VEPH1: variants seen among roughly 807,000 people sequenced by gnomAD.
The protein encoded by VEPH1 is ventricular zone-expressed PH domain-containing protein homolog 1.
Under a neutral mutation model 85.2 loss-of-function variants are expected in VEPH1, and 80 were observed. That is an observed-to-expected ratio of 0.94 (90% CI 0.78 to 1.13). The LOEUF (loss-of-function observed/expected upper bound fraction) is 1.13. VEPH1 is among the 50% of genes most tolerant of loss of function. The pLI, the probability that VEPH1 is intolerant of heterozygous loss-of-function variation, is 0.00. For missense variants in VEPH1, 955 were observed against 980.5 expected, an observed-to-expected ratio of 0.97 and a Z score of 0.35; for synonymous variants, 297 against 348.0, an observed-to-expected ratio of 0.85 and a Z score of 1.63.
intron 6 of VEPH1, among the ~76,000 whole-genome samples, chr3:157,389,020 T>C (rs1006410181): frequency 3.3e-5 from 5 of 152,176 alleles, no homozygotes; most frequent in African/African-American, 1.2e-4. Context: ...AACCCTGAAT[T>C]AGACAATACT....
Position 157,311,951 on chromosome 3 carries a change from G to A in VEPH1, c.2010+1670C>T, listed in dbSNP as rs545822870. On this transcript the variant is annotated intron_variant, in intron 11 of 13. Coordinates refer to ENST00000362010, the MANE Select transcript of VEPH1 (RefSeq NM_001167912.2). Reference sequence around the variant, plus strand: ...TGAATTCCTAAACACAAGCCAAAAAGTAGTGATGCAATCGTTTCATATGTC... The same window carrying A: ...TGAATTCCTAAACACAAGCCAAAAAATAGTGATGCAATCGTTTCATATGTC... Among the ~76,000 whole-genome samples the A allele has an allele frequency of 1.8e-3, 269 of 152,260 alleles. 2 individuals are homozygous for A. The highest frequency in any genetic ancestry group is 0.017 in the Middle Eastern group (5 of 294).
intron 7 of VEPH1, among the ~76,000 whole-genome samples, chr3:157,378,015 G>T: frequency 6.6e-6 from 1 of 151,946 alleles, no homozygotes; most frequent in East Asian, 1.9e-4. Flanking sequence ...GTGAGCACTG[G>T]CCAGGACATG....
At chr3:157,411,963 T>C (rs1024742568) in intron 6 of VEPH1, among the ~76,000 whole-genome samples, 4 of 152,064 alleles carry the variant, frequency 2.6e-5, no homozygotes, top group African/African-American at 9.7e-5. Flanking sequence ...TGGTGGGAGG[T>C]GACTCGATCA....
At chr3:157,268,380 A>G (rs911398901) in intron 12 of VEPH1, among the ~76,000 whole-genome samples, 1 of 152,192 alleles carries the variant, frequency 6.6e-6, no homozygotes, top group South Asian at 2.1e-4. Context: ...AGGTTTCAAG[A>G]GGTGATCCAA....
chr3:157,442,590 G>A (rs781518867), intron 4 of VEPH1: 1 of 1,614,216 alleles, frequency 6.2e-7, no homozygotes, highest in East Asian at 2.2e-5. Flanking sequence ...GGGTGGAGAG[G>A]AGAACAAACT....
At chr3:157,340,922 G>A (rs183827351) in intron 9 of VEPH1, among the ~76,000 whole-genome samples, 94 of 152,336 alleles carry the variant, frequency 6.2e-4, no homozygotes, top group African/African-American at 2.1e-3. Context: ...AGGGTCTGGG[G>A]TGGACCTCCA....
At chr3:157,479,077 A>G (rs1000293321) in intron 2 of VEPH1, among the ~76,000 whole-genome samples, 32 of 152,352 alleles carry the variant, frequency 2.1e-4, no homozygotes, top group African/African-American at 7.2e-4. Context: ...AATCATTTAA[A>G]GCATTTTGGC....
intron 4 of VEPH1, among the ~76,000 whole-genome samples, chr3:157,449,660 G>C (rs1734811172): frequency 6.6e-6 from 1 of 151,932 alleles, no homozygotes; most frequent in Non-Finnish European, 1.5e-5. Flanking sequence ...AAACTGTCTT[G>C]GCTATCTGTT....
In VEPH1 at chr3:157,495,202, G is replaced by A; in HGVS notation, c.138+10C>T. On this transcript the variant is annotated intron_variant, in intron 2 of 13. Transcript: ENST00000362010. ...TTTCAGAGATGTAGTCTATAAACCA[G>A]TTTACTTACTGAAGATGAGCTAATT... 1.9e-6 allele frequency: 3 copies of A among 1,613,400 alleles called. No homozygotes were observed. The highest frequency in any genetic ancestry group is 1.7e-4 in the Middle Eastern group (1 of 6,052).
At position 157,364,922 on chromosome 3, in the gene VEPH1, C is replaced by T. The variant is rs149212653; in HGVS notation, c.1128-410G>A. Among the ~76,000 whole-genome samples the T allele has an allele frequency of 2.3e-3, 348 of 152,322 alleles. 1 individual carries two copies. The highest frequency in any genetic ancestry group is 8.0e-3 in the African/African-American group (333 of 41,566). ...ACAGAATAAGAACATTTCACATGCA[C>T]TGTATAAACTCATGGTTTTGTTAAT... is the stretch of plus-strand genomic sequence containing the variant. On this transcript the variant is annotated intron_variant, in intron 7 of 13. Transcript: ENST00000362010.
chr3:157,262,276 A>C (rs1043371046), intron 13 of VEPH1, among the ~76,000 whole-genome samples: 2 of 152,250 alleles, frequency 1.3e-5, no homozygotes, highest in Non-Finnish European at 2.9e-5. Context: ...CTCCTCATCT[A>C]TTTCATTATG....
intron 3 of VEPH1, among the ~76,000 whole-genome samples, chr3:157,468,880 C>G (rs1041469773): frequency 6.6e-5 from 10 of 151,952 alleles, no homozygotes; most frequent in Non-Finnish European, 1.3e-4. Context: ...CACCTTTGTT[C>G]CCCCACTCAC....
At chr3:157,343,868 T>A (rs1723889062) in intron 9 of VEPH1, among the ~76,000 whole-genome samples, 1 of 152,182 alleles carries the variant, frequency 6.6e-6, no homozygotes, top group Non-Finnish European at 1.5e-5. Flanking sequence ...CAAGGCTGAT[T>A]CAACATACGC....
intron 11 of VEPH1, among the ~76,000 whole-genome samples, chr3:157,301,098 T>C (rs1718741965): frequency 6.6e-6 from 1 of 152,238 alleles, no homozygotes; most frequent in Non-Finnish European, 1.5e-5. Flanking sequence ...ATCTTTTGCT[T>C]AAGCTGAAAA....
chr3:157,336,365 C>A (rs1469645479), intron 9 of VEPH1, among the ~76,000 whole-genome samples: 1 of 152,172 alleles, frequency 6.6e-6, no homozygotes, highest in African/African-American at 2.4e-5. Context: ...TACTGAGGAA[C>A]CATTTGCTGC....
At chr3:157,281,475 C>T (rs1559921264) in intron 12 of VEPH1, among the ~76,000 whole-genome samples, 1 of 152,082 alleles carries the variant, frequency 6.6e-6, no homozygotes, top group Non-Finnish European at 1.5e-5. Context: ...TGCTCTAACA[C>T]ATGTGGTAGA....
intron 6 of VEPH1, among the ~76,000 whole-genome samples, chr3:157,408,135 C>T (rs914764866): frequency 6.6e-6 from 1 of 152,134 alleles, no homozygotes; most frequent in African/African-American, 2.4e-5. Flanking sequence ...TGTACTTCAA[C>T]CAATTTGCAG....
intron 4 of VEPH1, among the ~76,000 whole-genome samples, chr3:157,433,864 C>A (rs1339686413): frequency 6.6e-6 from 1 of 152,104 alleles, no homozygotes; most frequent in South Asian, 2.1e-4. Context: ...ACTCTATATA[C>A]TTCATTATAT....
Position 157,470,542 on chromosome 3 carries a change from A to C in VEPH1, c.139-13T>G. The stretch of plus-strand genomic sequence containing the variant: ...TGGTTTGGTAATCCTGTTTGGAAAG[A>C]AAATCTTCATGTTAAATAATACTCT... On this transcript the variant is annotated splice_polypyrimidine_tract_variant and intron_variant, in intron 2 of 13. Coordinates refer to ENST00000362010, the MANE Select transcript of VEPH1 (RefSeq NM_001167912.2). 6.2e-7 allele frequency: 1 copy of C among 1,611,114 alleles called. No homozygotes were observed. Among genetic ancestry groups the C allele is most frequent in the Non-Finnish European group, 8.5e-7 (1 of 1,177,340 alleles).
Sources: allele counts gnomAD v4.1 joint callset (sites outside exome capture counted in the v4.1 genomes callset), GRCh38; gene constraint gnomAD v4.1.1; transcripts MANE v1.5; gene names NCBI Gene and HGNC (gene_info 2026-07-23, HGNC 2026-07-21).